MAP4K4: variants seen among roughly 807,000 people sequenced by gnomAD.
MAP4K4 encodes the protein HPK/GCK-like kinase HGK.
MAP4K4 carries 38 observed loss-of-function variants against 189.6 expected under a neutral mutation model. That is an observed-to-expected ratio of 0.20 (90% CI 0.15 to 0.26). The LOEUF (loss-of-function observed/expected upper bound fraction) is 0.26. Ranked by LOEUF, MAP4K4 falls within the 10% of genes least tolerant of loss-of-function variation. MAP4K4 has a pLI of 1.00. For synonymous variants in MAP4K4, 610 were observed against 624.3 expected (o/e 0.98, Z 0.34); for missense variants, 1,054 against 1,726.9 (o/e 0.61, Z 6.91).
intron 2 of MAP4K4, among the ~76,000 whole-genome samples, chr2:101,746,245 C>G (rs1216123146): frequency 6.6e-6 from 1 of 151,518 alleles, no homozygotes; most frequent in Admixed American, 6.6e-5. Flanking sequence ...TCTTAGCCTC[C>G]CAAAGCACTG....
chr2:101,712,024 C>T (rs1242546664), intron 2 of MAP4K4, among the ~76,000 whole-genome samples: 1 of 144,072 alleles, frequency 6.9e-6, no homozygotes, highest in Admixed American at 7.0e-5. Flanking sequence ...GACTTATTAC[C>T]TATAACTTCT....
At chr2:101,724,622 T>G (rs1436730410) in intron 2 of MAP4K4, among the ~76,000 whole-genome samples, 1 of 152,248 alleles carries the variant, frequency 6.6e-6, no homozygotes, top group Non-Finnish European at 1.5e-5. Flanking sequence ...TTCTGATTTC[T>G]CTCTTAGGAG....
At chr2:101,781,180 T>C (rs914015635) in intron 2 of MAP4K4, among the ~76,000 whole-genome samples, 4 of 152,222 alleles carry the variant, frequency 2.6e-5, no homozygotes, top group Non-Finnish European at 5.9e-5. Context: ...ATTTTTTATT[T>C]GCCAGTCTCC....
At chr2:101,782,653 T>C (rs1472031364) in intron 2 of MAP4K4, among the ~76,000 whole-genome samples, 2 of 152,120 alleles carry the variant, frequency 1.3e-5, no homozygotes, top group Non-Finnish European at 2.9e-5. Flanking sequence ...ATCTGTGGGC[T>C]CATGTTTCCT....
chr2:101,819,995 A>G (rs530141250), intron 3 of MAP4K4, among the ~76,000 whole-genome samples: 36 of 152,334 alleles, frequency 2.4e-4, no homozygotes, highest in African/African-American at 7.9e-4. Context: ...GGTGGACAAT[A>G]TGGAATTTAA....
Position 101,874,069 on chromosome 2 carries a change from T to C in MAP4K4, c.3071-13T>C. On this transcript the variant is annotated splice_polypyrimidine_tract_variant and intron_variant, in intron 25 of 32. Transcript: ENST00000324219. ...TGTGTACAGAAAATAATTTCAAATA[T>C]ATTGTGTTTCAGTGGGATTTTCCTG... The C allele has an allele frequency of 6.2e-7, 1 of 1,610,156 alleles. No individual in the cohort carries two copies. The highest frequency in any genetic ancestry group is 8.5e-7 in the Non-Finnish European group (1 of 1,177,748).
intron 2 of MAP4K4, among the ~76,000 whole-genome samples, chr2:101,762,074 G>A (rs1345320907): frequency 1.3e-5 from 2 of 152,178 alleles, no homozygotes; most frequent in Non-Finnish European, 2.9e-5. Context: ...AGAACCGGGA[G>A]TCTATTCCAA....
rs547181788 is a variant in MAP4K4, at chr2:101,755,624, TTTC to T, written c.124-35087_124-35085del. 4.2e-4 allele frequency among the ~76,000 whole-genome samples: 64 copies of T among 152,234 alleles called. No homozygotes were observed. The East Asian group carries it at 0.012, about 28-fold the overall frequency. ...CTCCTCCCTGCTAGCTGCACACTCT[TTTC>T]TTCTTCTTTCTTTATTTTTGCATTA... On this transcript the variant is annotated intron_variant, in intron 2 of 32. Coordinates refer to ENST00000324219, the Ensembl canonical transcript of MAP4K4.
At chr2:101,818,954 C>T (rs2095874684) in intron 3 of MAP4K4, among the ~76,000 whole-genome samples, 2 of 152,230 alleles carry the variant, frequency 1.3e-5, no homozygotes, top group South Asian at 2.1e-4. Context: ...TCTCTCTCCT[C>T]TTCAAGTTAC....
At chr2:101,777,517 A>AAG (rs1208602964) in intron 2 of MAP4K4, among the ~76,000 whole-genome samples, 1 of 152,170 alleles carries the variant, frequency 6.6e-6, no homozygotes, top group Admixed American at 6.5e-5. Context: ...TGGCAAGACA[A>AAG]AGTCATTCAT....
intron 13 of MAP4K4, among the ~76,000 whole-genome samples, chr2:101,858,365 C>T (rs1426739924): frequency 6.6e-6 from 1 of 152,226 alleles, no homozygotes; most frequent in Non-Finnish European, 1.5e-5. Flanking sequence ...CCCATCCTCA[C>T]TTCCTGCTGT....
chr2:101,705,683 A>G (rs1430088162), intron 2 of MAP4K4, among the ~76,000 whole-genome samples: 2 of 152,232 alleles, frequency 1.3e-5, no homozygotes, highest in African/African-American at 2.4e-5. Context: ...AAAAGTTTTT[A>G]TATACTTTTA....
At chr2:101,780,809 C>T (rs2086933614) in intron 2 of MAP4K4, among the ~76,000 whole-genome samples, 1 of 152,314 alleles carries the variant, frequency 6.6e-6, no homozygotes, top group Non-Finnish European at 1.5e-5. Flanking sequence ...CGTATCTTGA[C>T]AGAGTCATAT....
intron 27 of MAP4K4, among the ~76,000 whole-genome samples, chr2:101,879,951 T>A (rs1409929616): frequency 6.6e-6 from 1 of 151,964 alleles, no homozygotes; most frequent in Non-Finnish European, 1.5e-5. Context: ...TGCAATTTCC[T>A]AATGATGTAT....
intron 2 of MAP4K4, among the ~76,000 whole-genome samples, chr2:101,712,495 T>A (rs1485925103): frequency 6.8e-6 from 1 of 146,916 alleles, no homozygotes; most frequent in African/African-American, 2.4e-5. Flanking sequence ...TGCCTGGCCC[T>A]ATTTTTTATT....
chr2:101,867,363 C>A, intron 20 of MAP4K4, 54 bp downstream of exon 20: 2 of 1,366,040 alleles, frequency 1.5e-6, no homozygotes, highest in East Asian at 2.4e-5. Context: ...TGAGATCTTT[C>A]TATTAAAAAT....
intron 2 of MAP4K4, among the ~76,000 whole-genome samples, chr2:101,756,301 CA>C (rs2072756297): frequency 6.6e-6 from 1 of 152,074 alleles, no homozygotes. Context: ...GACCCTCCTG[CA>C]AAATTTTACT....
intron 2 of MAP4K4, among the ~76,000 whole-genome samples, chr2:101,704,563 ATATATTTTTT>A (rs2041062091): frequency 4.2e-5 from 2 of 47,214 alleles, no homozygotes; most frequent in South Asian, 1.1e-3. Context: ...ATATATATAT[ATATATTTTTT>A]TTTTTTTTTT....
intron 2 of MAP4K4, among the ~76,000 whole-genome samples, chr2:101,741,420 A>G (rs1290255276): frequency 6.6e-6 from 1 of 151,910 alleles, no homozygotes; most frequent in African/African-American, 2.4e-5. Flanking sequence ...TGCCTGCCTC[A>G]GCCTCCCAAA....
Sources: gnomAD v4.1 joint callset for allele counts (sites outside exome capture counted in the v4.1 genomes callset) on GRCh38, gnomAD v4.1.1 for gene constraint, MANE v1.5 for transcripts, NCBI Gene and HGNC (gene_info 2026-07-23, HGNC 2026-07-21) for gene names.